PHACTR1: variants seen among roughly 807,000 people sequenced by gnomAD.
PHACTR1 encodes phosphatase and actin regulator 1.
In PHACTR1, 16 loss-of-function variants were observed where a neutral mutation model predicts 69.2. The observed-to-expected ratio is 0.23, with a 90% CI of 0.16 to 0.35. The LOEUF (loss-of-function observed/expected upper bound fraction) is 0.35, where lower values mean the gene tolerates loss of function less well. Ranked by LOEUF, PHACTR1 falls within the 10% of genes least tolerant of loss-of-function variation. PHACTR1 has a pLI of 1.00. For synonymous variants in PHACTR1, 312 were observed against 284.5 expected (o/e 1.10, Z -0.97); for missense variants, 510 against 734.7 (o/e 0.69, Z 3.54).
intron 7 of PHACTR1, 101 bp downstream of exon 7, chr6:13,182,787 A>C: frequency 8.3e-7 from 1 of 1,204,278 alleles, no homozygotes; most frequent in Non-Finnish European, 1.1e-6. Flanking sequence ...ATTTTGGACT[A>C]TCCTGAGCGT....
At chr6:12,902,705 A>G (rs139257088) in intron 4 of PHACTR1, among the ~76,000 whole-genome samples, 110 of 152,312 alleles carry the variant, frequency 7.2e-4, no homozygotes, top group African/African-American at 2.5e-3. Flanking sequence ...TGCTCCATCA[A>G]TCAACTGGAT....
intron 10 of PHACTR1, among the ~76,000 whole-genome samples, chr6:13,251,785 T>A (rs1259547613): frequency 3.4e-4 from 48 of 142,598 alleles, no homozygotes; most frequent in African/African-American, 1.3e-3. Context: ...GAAAAATCAT[T>A]TAAATTTATA....
At chr6:12,933,097 G>A (rs900206159) in intron 4 of PHACTR1, among the ~76,000 whole-genome samples, 26 of 151,724 alleles carry the variant, frequency 1.7e-4, no homozygotes, top group South Asian at 4.2e-4. Context: ...CACCAAGCCC[G>A]GCTGATTTTT....
chr6:13,014,861 C>T (rs575731256), intron 4 of PHACTR1, among the ~76,000 whole-genome samples: 3 of 152,272 alleles, frequency 2.0e-5, no homozygotes, highest in Admixed American at 2.0e-4. Context: ...AGGAGGAGCC[C>T]AGAGCGAGGG....
chr6:12,918,811 C>A (rs1462867587), intron 4 of PHACTR1, among the ~76,000 whole-genome samples: 1 of 152,126 alleles, frequency 6.6e-6, no homozygotes, highest in Admixed American at 6.5e-5. Flanking sequence ...GTGAAAGAGA[C>A]CATTTGAATA....
At chr6:12,975,794 C>T (rs1483299212) in intron 4 of PHACTR1, among the ~76,000 whole-genome samples, 1 of 152,018 alleles carries the variant, frequency 6.6e-6, no homozygotes, top group African/African-American at 2.4e-5. Flanking sequence ...ACGCTGTTGC[C>T]CAGGTTGGTC....
At chr6:13,250,049 C>T (rs1226823354) in intron 10 of PHACTR1, among the ~76,000 whole-genome samples, 2 of 152,156 alleles carry the variant, frequency 1.3e-5, no homozygotes, top group African/African-American at 4.8e-5. Context: ...AACACAGTTA[C>T]ACTCATTCAT....
At chr6:12,897,000 A>G (rs1309663604) in intron 4 of PHACTR1, among the ~76,000 whole-genome samples, 1 of 152,196 alleles carries the variant, frequency 6.6e-6, no homozygotes, top group East Asian at 1.9e-4. Context: ...CACTGTCACA[A>G]AGAGTTCCAC....
chr6:12,855,749 A>G (rs982729842), intron 4 of PHACTR1, among the ~76,000 whole-genome samples: 1 of 152,176 alleles, frequency 6.6e-6, no homozygotes, highest in Non-Finnish European at 1.5e-5. Flanking sequence ...AGCATAAAAC[A>G]ATGTACCCTT....
chr6:12,995,158 G>T (rs1452354839), intron 4 of PHACTR1, among the ~76,000 whole-genome samples: 1 of 151,878 alleles, frequency 6.6e-6, no homozygotes, highest in Non-Finnish European at 1.5e-5. Flanking sequence ...AACAGAGAGG[G>T]GTGATCGGAT....
chr6:13,192,689 C>T (rs1448707621), intron 7 of PHACTR1, among the ~76,000 whole-genome samples: 1 of 152,150 alleles, frequency 6.6e-6, no homozygotes, highest in East Asian at 1.9e-4. Flanking sequence ...CCAACATCAA[C>T]ATGAAATTGC....
chr6:12,906,205 T>C (rs945892243), intron 4 of PHACTR1, among the ~76,000 whole-genome samples: 2 of 152,248 alleles, frequency 1.3e-5, no homozygotes, highest in African/African-American at 4.8e-5. Flanking sequence ...TTACTTCTTA[T>C]GCTCAGTGGC....
chr6:12,995,211 T>A (rs1395753578), intron 4 of PHACTR1, among the ~76,000 whole-genome samples: 2 of 143,812 alleles, frequency 1.4e-5, no homozygotes, highest in African/African-American at 2.6e-5. Flanking sequence ...GCCAGAAACA[T>A]AAGAATATGT....
chr6:12,738,192 C>T (rs1241427650), intron 3 of PHACTR1, among the ~76,000 whole-genome samples: 2 of 152,134 alleles, frequency 1.3e-5, no homozygotes, highest in Non-Finnish European at 2.9e-5. Context: ...AGTTTCCTTT[C>T]CCTTTAATTT....
chr6:12,981,795 T>G (rs1487883271), intron 4 of PHACTR1, among the ~76,000 whole-genome samples: 1 of 152,246 alleles, frequency 6.6e-6, no homozygotes, highest in Admixed American at 6.5e-5. Flanking sequence ...GTAGCTTAAA[T>G]GTATGCCTCA....
rs183081868 is a variant in PHACTR1 at position 13,199,069 on chromosome 6, A to T, written c.665-6746A>T. 6.5e-3 allele frequency among the ~76,000 whole-genome samples: 990 copies of T among 152,218 alleles called. 17 individuals carry two copies. The highest frequency in any genetic ancestry group is 8.9e-3 in the Non-Finnish European group (603 of 68,016). On this transcript the variant is annotated intron_variant, in intron 7 of 14. Coordinates refer to ENST00000332995, the MANE Select transcript of PHACTR1 (RefSeq NM_030948.6). ...GAATCTGCCTCTCCCAAGCTTCCCT[A>T]ATGAGGCTGATGGAAACACTACTTT...
chr6:12,981,257 A>C (rs1176892407), intron 4 of PHACTR1, among the ~76,000 whole-genome samples: 4 of 152,240 alleles, frequency 2.6e-5, no homozygotes, highest in Non-Finnish European at 5.9e-5. Context: ...TGAAAAAAGT[A>C]ATCAAAAAAA....
intron 5 of PHACTR1, among the ~76,000 whole-genome samples, chr6:13,084,741 C>T (rs1014648801): frequency 4.0e-5 from 6 of 151,778 alleles, no homozygotes; most frequent in Non-Finnish European, 8.8e-5. Flanking sequence ...GAGGGGGTGG[C>T]GTGAATAATG....
intron 6 of PHACTR1, among the ~76,000 whole-genome samples, chr6:13,164,455 G>A (rs1759491920): frequency 6.6e-6 from 1 of 152,132 alleles, no homozygotes; most frequent in South Asian, 2.1e-4. Context: ...GTTTCCACCA[G>A]CGATGCATGG....
Sources: gnomAD v4.1 joint callset for allele counts (sites outside exome capture counted in the v4.1 genomes callset) on GRCh38, gnomAD v4.1.1 for gene constraint, MANE v1.5 for transcripts, NCBI Gene and HGNC (gene_info 2026-07-23, HGNC 2026-07-21) for gene names.